Variants in RSRC1 observed in about 807,000 individuals in gnomAD.
RSRC1 encodes serine/Arginine-related protein 53.
RSRC1 carries 39 observed loss-of-function variants against 49.1 expected under a neutral mutation model. The ratio of observed to expected loss-of-function variants is 0.79; its 90% CI spans 0.61 to 1.04. RSRC1 has a LOEUF of 1.04. Ranked by LOEUF, RSRC1 falls within the 50% of genes least tolerant of loss-of-function variation. The pLI, the probability that RSRC1 is intolerant of heterozygous loss-of-function variation, is 0.00. For synonymous variants in RSRC1, 143 were observed against 130.8 expected, an observed-to-expected ratio of 1.09 and a Z score of -0.63; for missense variants, 388 against 402.4, an observed-to-expected ratio of 0.96 and a Z score of 0.31.
chr3:158,400,641 G>A (rs1167581822), intron 6 of RSRC1, among the ~76,000 whole-genome samples: 6 of 151,818 alleles, frequency 4.0e-5, no homozygotes, highest in Non-Finnish European at 7.4e-5. Context: ...TAATAAAAAA[G>A]GTTAACACAT....
At chr3:158,187,936 A>T (rs1192241815) in intron 3 of RSRC1, among the ~76,000 whole-genome samples, 1 of 151,920 alleles carries the variant, frequency 6.6e-6, no homozygotes, top group East Asian at 1.9e-4. Context: ...GGTTCAAATA[A>T]TTTTTTTAAC....
chr3:158,473,695 C>T (rs1560057983), intron 7 of RSRC1, among the ~76,000 whole-genome samples: 1 of 151,800 alleles, frequency 6.6e-6, no homozygotes. Context: ...GTCCTTTTTT[C>T]ACCTATGATT....
chr3:158,206,015 G>A (rs931239681), intron 4 of RSRC1, among the ~76,000 whole-genome samples: 4 of 152,120 alleles, frequency 2.6e-5, no homozygotes, highest in African/African-American at 9.7e-5. Flanking sequence ...ACAACTATAG[G>A]TAATAGTAAA....
At chr3:158,432,020 A>C (rs1047569279) in intron 6 of RSRC1, among the ~76,000 whole-genome samples, 3 of 151,946 alleles carry the variant, frequency 2.0e-5, no homozygotes, top group African/African-American at 7.2e-5. Context: ...ACTGTTGGCA[A>C]AGAGTGCTGG....
At chr3:158,311,235 G>A (rs1195314967) in intron 5 of RSRC1, among the ~76,000 whole-genome samples, 1 of 151,700 alleles carries the variant, frequency 6.6e-6, no homozygotes, top group Non-Finnish European at 1.5e-5. Context: ...ATTAAACTAT[G>A]AATTCCTTAC....
At chr3:158,207,861 A>C (rs74371772) in intron 4 of RSRC1, among the ~76,000 whole-genome samples, 1,723 of 152,232 alleles carry the variant, frequency 0.011, 33 homozygotes, top group African/African-American at 0.039. Flanking sequence ...TACTTTTGAG[A>C]AAAAAATGCG....
intron 5 of RSRC1, among the ~76,000 whole-genome samples, chr3:158,318,583 T>C (rs771807657): frequency 6.6e-6 from 1 of 152,122 alleles, no homozygotes; most frequent in Non-Finnish European, 1.5e-5. Flanking sequence ...GCCTTAGTAG[T>C]TGGGGGGAAA....
intron 3 of RSRC1, among the ~76,000 whole-genome samples, chr3:158,190,473 AC>A (rs1720173398): frequency 6.6e-6 from 1 of 151,232 alleles, no homozygotes; most frequent in South Asian, 2.1e-4. Context: ...TTATATGAGC[AC>A]CTTATAATTT....
At chr3:158,336,260 C>G (rs1344479316) in intron 5 of RSRC1, among the ~76,000 whole-genome samples, 2 of 152,214 alleles carry the variant, frequency 1.3e-5, no homozygotes, top group African/African-American at 4.8e-5. Flanking sequence ...CGGCCCCTGG[C>G]TGCCTTTCTT....
intron 6 of RSRC1, among the ~76,000 whole-genome samples, chr3:158,427,119 A>G (rs1735488709): frequency 6.6e-6 from 1 of 151,754 alleles, no homozygotes. Flanking sequence ...GCCTGTGTAG[A>G]ACAGGCTATT....
chr3:158,322,201 TATTTTTGTTG>T (rs1264093911), intron 5 of RSRC1, among the ~76,000 whole-genome samples: 1 of 152,192 alleles, frequency 6.6e-6, no homozygotes, highest in Non-Finnish European at 1.5e-5. Context: ...ATTTCGTGTT[TATTTTTGTTG>T]GATATAGAAT....
chr3:158,215,383 C>T (rs1324497493), intron 4 of RSRC1, among the ~76,000 whole-genome samples: 1 of 150,382 alleles, frequency 6.6e-6, no homozygotes, highest in East Asian at 2.0e-4. Context: ...CTCTAGAAGT[C>T]CTCCTGCCTT....
rs1187978941 is a variant in RSRC1 at position 158,453,207 on chromosome 3, CTGTGCACACATTTTCAAACTCT to C, written c.584-7672_584-7651del. Among the ~76,000 whole-genome samples, 48 of 128,978 alleles carry C rather than the reference CTGTGCACACATTTTCAAACTCT, an allele frequency of 3.7e-4. 2 individuals are homozygous for C. In the South Asian group the frequency reaches 4.7e-3, roughly 13 times the overall value. The allele number at this position is 128,978 out of a possible 152,430, so 84.6% of individuals were successfully genotyped here. On this transcript the variant is annotated intron_variant, in intron 6 of 9. Coordinates refer to ENST00000611884, the MANE Select transcript of RSRC1 (RefSeq NM_001271838.2). Reference sequence around the variant, plus strand: ...GCCTTGTGTATATATTTTCAAACTCCTGTGCACACATTTTCAAACTCTTGTGCACACATTTTCAAACTCTTGT... The same window carrying C: ...GCCTTGTGTATATATTTTCAAACTCCTGTGCACACATTTTCAAACTCTTGT...
At chr3:158,149,552 G>C (rs1717390850) in intron 3 of RSRC1, among the ~76,000 whole-genome samples, 1 of 152,124 alleles carries the variant, frequency 6.6e-6, no homozygotes, top group Non-Finnish European at 1.5e-5. Context: ...TCTTAAAGGT[G>C]AATACATGCA....
intron 6 of RSRC1, among the ~76,000 whole-genome samples, chr3:158,403,311 C>A (rs1273026779): frequency 6.6e-6 from 1 of 151,730 alleles, no homozygotes; most frequent in Non-Finnish European, 1.5e-5. Flanking sequence ...ACTGGAAAAG[C>A]GTGTAATAAT....
At chr3:158,127,896 A>G (rs535968434) in intron 3 of RSRC1, among the ~76,000 whole-genome samples, 16 of 151,870 alleles carry the variant, frequency 1.1e-4, no homozygotes, top group Middle Eastern at 3.4e-3. Flanking sequence ...CTTCCTCATC[A>G]GCACCATTTA....
chr3:158,531,561 G>A (rs556597982), intron 7 of RSRC1, among the ~76,000 whole-genome samples: 3 of 151,912 alleles, frequency 2.0e-5, no homozygotes, highest in South Asian at 2.1e-4. Flanking sequence ...CAGGAGCCTC[G>A]TCCGCATATG....
intron 4 of RSRC1, among the ~76,000 whole-genome samples, chr3:158,290,333 C>T (rs12634372): frequency 0.12 from 18,525 of 150,324 alleles, 1,396 homozygotes; most frequent in Middle Eastern, 0.2. Context: ...AGTGCAGTGG[C>T]GCGATTTCGG....
intron 3 of RSRC1, among the ~76,000 whole-genome samples, chr3:158,140,404 C>T (rs755834190): frequency 1.1e-4 from 16 of 152,084 alleles, no homozygotes; most frequent in Non-Finnish European, 1.9e-4. Context: ...TTTCTGTTTC[C>T]GATATGCACT....
Sources: allele counts gnomAD v4.1 joint callset (sites outside exome capture counted in the v4.1 genomes callset), GRCh38; gene constraint gnomAD v4.1.1; transcripts MANE v1.5; gene names NCBI Gene and HGNC (gene_info 2026-07-23, HGNC 2026-07-21).